Variants in ANO1 observed in about 807,000 individuals in gnomAD.
ANO1 encodes the protein anoctamin-1.
In ANO1, 59 loss-of-function variants were observed where a neutral mutation model predicts 124.0. The observed-to-expected ratio is 0.48, with a 90% confidence interval of 0.39 to 0.59. ANO1 has a LOEUF of 0.59. Ranked by LOEUF, ANO1 falls within the 20% of genes least tolerant of loss-of-function variation. ANO1 has a pLI of 0.00. For synonymous variants in ANO1, 529 were observed against 532.0 expected (o/e 0.99, Z 0.08); for missense variants, 1,059 against 1,328.0 (o/e 0.80, Z 3.15).
intron 7 of ANO1, among the ~76,000 whole-genome samples, chr11:70,115,742 AT>A (rs1466535129): frequency 6.6e-6 from 1 of 152,168 alleles, no homozygotes; most frequent in Non-Finnish European, 1.5e-5. Context: ...AACTGTAGTT[AT>A]TTGGGGCTCA....
chr11:70,020,875 G>C (rs1302139969), intron 1 of ANO1: 1 of 152,184 alleles, frequency 6.6e-6, no homozygotes, highest in East Asian at 1.9e-4. Context: ...AACAAACAAA[G>C]AGCTAACCTT....
At chr11:70,136,113 AC>A (rs2046946592) in intron 11 of ANO1, among the ~76,000 whole-genome samples, 1 of 152,016 alleles carries the variant, frequency 6.6e-6, no homozygotes, top group African/African-American at 2.4e-5. Context: ...TTGGGGAGAA[AC>A]CCTCAAGGGT....
At chr11:69,976,440 G>A in the ANO1 span, among the ~76,000 whole-genome samples, 1 of 149,648 alleles carries the variant, frequency 6.7e-6, no homozygotes, top group South Asian at 2.1e-4. Flanking sequence ...CCGGGAGGCG[G>A]AGCTCGCAGT....
chr11:70,020,544 A>T (rs1856783741), intron 1 of ANO1, among the ~76,000 whole-genome samples: 1 of 152,178 alleles, frequency 6.6e-6, no homozygotes, highest in Non-Finnish European at 1.5e-5. Context: ...CTTCCTTCCC[A>T]GCTCAGTGGG....
At chr11:70,025,279 G>A (rs1856872953) in intron 1 of ANO1, among the ~76,000 whole-genome samples, 1 of 152,234 alleles carries the variant, frequency 6.6e-6, no homozygotes, top group Non-Finnish European at 1.5e-5. Flanking sequence ...GGGTTAGACA[G>A]TAGCATCCAA....
intron 8 of ANO1, among the ~76,000 whole-genome samples, chr11:70,120,884 GC>G (rs1353486788): frequency 1.3e-5 from 2 of 152,110 alleles, no homozygotes; most frequent in Non-Finnish European, 2.9e-5. Context: ...TTGTTCTCCA[GC>G]CCACAGCCCC....
chr11:70,127,998 T>C (rs920132528), intron 10 of ANO1, among the ~76,000 whole-genome samples: 2 of 152,222 alleles, frequency 1.3e-5, no homozygotes, highest in Admixed American at 1.3e-4. Flanking sequence ...CAAGTATCTC[T>C]AAAGCAGAGG....
chr11:70,048,840 G>T (rs1021644386), intron 1 of ANO1, among the ~76,000 whole-genome samples: 2 of 152,022 alleles, frequency 1.3e-5, no homozygotes, highest in Non-Finnish European at 1.5e-5. Flanking sequence ...TATCCCTTGG[G>T]GGGGCCTACT....
the ANO1 span, among the ~76,000 whole-genome samples, chr11:69,976,066 C>T: frequency 3.9e-5 from 6 of 152,194 alleles, no homozygotes; most frequent in African/African-American, 1.4e-4. Flanking sequence ...TTGCCCTTCA[C>T]CTGGGCCGTG....
chr11:70,141,319 C>G (rs1413035801), intron 11 of ANO1, among the ~76,000 whole-genome samples: 1 of 152,184 alleles, frequency 6.6e-6, no homozygotes, highest in African/African-American at 2.4e-5. Flanking sequence ...GCCCCAAGAG[C>G]TGCGGGCCAG....
intron 1 of ANO1, among the ~76,000 whole-genome samples, chr11:70,044,094 A>G (rs1591053610): frequency 6.6e-6 from 1 of 152,154 alleles, no homozygotes; most frequent in East Asian, 1.9e-4. Context: ...TTTTTAAACT[A>G]TATGTGAAGG....
At chr11:70,083,132 A>AT (rs900115189) in intron 1 of ANO1, among the ~76,000 whole-genome samples, 3 of 151,934 alleles carry the variant, frequency 2.0e-5, no homozygotes, top group African/African-American at 4.8e-5. Context: ...TGGCCACAAG[A>AT]TTTTTTTTCC....
At chr11:70,112,238 GAA>G (rs760525182) in intron 7 of ANO1, among the ~76,000 whole-genome samples, 15 of 152,336 alleles carry the variant, frequency 9.8e-5, no homozygotes, top group Non-Finnish European at 1.6e-4. Context: ...GAGAGAGAGA[GAA>G]GATTGTCTTC....
chr11:70,116,426 A>G lies in ANO1; in HGVS notation c.856-32A>G, dbSNP rs903646526. On this transcript the variant is annotated intron_variant, in intron 7 of 25. Transcript: ENST00000355303. ...AGCGCCTCCAAAGCTCCATTGGATG[A>G]TAAGAACGTCCCTTTCCTCTTTTTT... 20 of 1,581,444 alleles carry G rather than the reference A, an allele frequency of 1.3e-5. No individual in the cohort carries two copies. The African/African-American group carries it at 2.4e-4, about 19-fold the overall frequency.
chr11:70,105,174 T>A (rs1241068356), intron 4 of ANO1, among the ~76,000 whole-genome samples: 1 of 152,014 alleles, frequency 6.6e-6, no homozygotes. Context: ...AGGTGGAAAC[T>A]GGCCCAGCCG....
chr11:70,075,848 C>A (rs1202354566), upstream of ANO1, among the ~76,000 whole-genome samples: 2 of 152,182 alleles, frequency 1.3e-5, no homozygotes, highest in African/African-American at 4.8e-5. Context: ...ATCTATGGAA[C>A]AAAAAGGACC....
chr11:70,032,035 G>A (rs548646380), intron 1 of ANO1, among the ~76,000 whole-genome samples: 3 of 152,332 alleles, frequency 2.0e-5, no homozygotes, highest in African/African-American at 7.2e-5. Flanking sequence ...CCTCTGCAGG[G>A]TGCCAGACAC....
intron 5 of ANO1, 129 bp downstream of exon 5, chr11:70,105,917 G>A: frequency 1.9e-6 from 2 of 1,046,176 alleles, no homozygotes; most frequent in Admixed American, 2.2e-5. Context: ...GAAATAATTA[G>A]AATAATGAAA....
chr11:70,112,909 G>C (rs1001263298), intron 7 of ANO1, among the ~76,000 whole-genome samples: 1 of 152,154 alleles, frequency 6.6e-6, no homozygotes. Context: ...AACTTGAGGT[G>C]CAGGGATCCC....
Sources: gnomAD v4.1 joint callset for allele counts (sites outside exome capture counted in the v4.1 genomes callset) on GRCh38, gnomAD v4.1.1 for gene constraint, MANE v1.5 for transcripts, NCBI Gene and HGNC (gene_info 2026-07-23, HGNC 2026-07-21) for gene names.